HSD17B2: variants seen among roughly 807,000 people sequenced by gnomAD.
HSD17B2 encodes the protein hydroxysteroid 17-beta dehydrogenase 2.
A neutral mutation model predicts 26.9 loss-of-function variants in HSD17B2; 32 were observed. The ratio of observed to expected loss-of-function variants is 1.19; its 90% CI spans 0.90 to 1.60. HSD17B2 has a LOEUF of 1.60. Among genes scored for constraint, HSD17B2 ranks in the 40% most tolerant of loss-of-function variants. The probability of loss-of-function intolerance (pLI) is 0.00; values close to 1 mark genes in which losing one functional copy is unlikely to be tolerated. For synonymous variants in HSD17B2, 246 were observed against 186.7 expected, an observed-to-expected ratio of 1.32 and a Z score of -2.59; for missense variants, 613 against 468.6, an observed-to-expected ratio of 1.31 and a Z score of -2.85.
chr16:82,055,795 C>T (rs774424145), intron 1 of HSD17B2, among the ~76,000 whole-genome samples: 57 of 152,254 alleles, frequency 3.7e-4, no homozygotes, highest in Non-Finnish European at 6.9e-4. Flanking sequence ...GCAATAGAAG[C>T]GTGGATCCAA....
intron 1 of HSD17B2, among the ~76,000 whole-genome samples, chr16:82,051,601 G>A (rs889341592): frequency 1.3e-5 from 2 of 152,140 alleles, no homozygotes; most frequent in African/African-American, 4.8e-5. Flanking sequence ...GGAAGTATCA[G>A]GACAAATAGC....
chr16:82,075,238 A>C (rs929624791), intron 3 of HSD17B2, among the ~76,000 whole-genome samples: 3 of 152,214 alleles, frequency 2.0e-5, no homozygotes, highest in African/African-American at 7.2e-5. Context: ...AAGTGCCTAC[A>C]TTAAAAAAGT....
chr16:82,068,204 G>C lies in HSD17B2; in HGVS notation c.300G>C (p.Lys100Asn). The change falls in exon 2 of 5, where the codon AAG (lysine) becomes AAC (asparagine). Residue 100 changes from lysine (K) to asparagine (N), a missense_variant. Physicochemically the swap from Lys to Asn is moderately conservative, Grantham distance 94. Transcript: ENST00000199936. ...GCGGGCTTGGCCATGCTTTGTGCAAGTATCTGGATGAGCTGGGCTTCACGG... is the reference window on the plus strand; with the variant it reads ...GCGGGCTTGGCCATGCTTTGTGCAACTATCTGGATGAGCTGGGCTTCACGG... The part of the protein sequence containing the change: ...GDCGLGHALC[K>N]YLDELGFTVF... 6.2e-7 allele frequency: 1 copy of C among 1,614,212 alleles called. No individual in the cohort carries two copies.
rs1382042588 is a variant in HSD17B2 at position 82,098,369 on chromosome 16, A to G, written c.1097A>G (p.His366Arg). Residue 366 changes from histidine (H) to arginine (R), a missense_variant, in exon 5 of 5, where the codon CAT (histidine) becomes CGT (arginine). Transcript: ENST00000199936. ...IGIYDYFAKR[H>R]FGQDKPMPRA... ...ATATATGATTACTTTGCTAAAAGAC[A>G]TTTTGGCCAAGACAAGCCCATGCCC... The G allele has an allele frequency of 3.1e-6, 5 of 1,613,988 alleles. No individual in the cohort carries two copies. Among genetic ancestry groups the G allele is most frequent in the South Asian group, 1.1e-5 (1 of 91,054 alleles).
At chr16:82,058,227 C>T (rs1480633736) in intron 1 of HSD17B2, among the ~76,000 whole-genome samples, 1 of 152,064 alleles carries the variant, frequency 6.6e-6, no homozygotes, top group African/African-American at 2.4e-5. Flanking sequence ...TATGCCAGCA[C>T]ACCTGGCTAA....
intron 3 of HSD17B2, among the ~76,000 whole-genome samples, chr16:82,090,693 G>C (rs921101569): frequency 1.3e-5 from 2 of 152,118 alleles, no homozygotes; most frequent in East Asian, 1.9e-4. Flanking sequence ...AGCTGCAATA[G>C]GGGAGCCAAA....
chr16:82,045,148 G>C (rs376583833), intron 1 of HSD17B2, among the ~76,000 whole-genome samples: 4 of 145,626 alleles, frequency 2.7e-5, no homozygotes, highest in African/African-American at 5.1e-5. Flanking sequence ...AAAAAAGAGA[G>C]AAAAAAGAAA....
chr16:82,038,278 C>A (rs1477517803), intron 1 of HSD17B2, among the ~76,000 whole-genome samples: 1 of 152,190 alleles, frequency 6.6e-6, no homozygotes, highest in Non-Finnish European at 1.5e-5. Context: ...ACATATTTGT[C>A]TTCAAGATAC....
intron 3 of HSD17B2, among the ~76,000 whole-genome samples, chr16:82,083,707 C>T (rs754403987): frequency 1.3e-5 from 2 of 152,108 alleles, no homozygotes; most frequent in African/African-American, 2.4e-5. Flanking sequence ...ACTGTGACAC[C>T]GAATTACCCT....
Position 82,035,414 on chromosome 16 carries a change from A to C in HSD17B2, c.-11A>C. 1 of 1,606,448 alleles carries C rather than the reference A, an allele frequency of 6.2e-7. No homozygotes were observed. The highest frequency in any genetic ancestry group is 8.5e-7 in the Non-Finnish European group (1 of 1,175,006). ...GCCCTGAGCACTTGAAGGTGCAGCA[A>C]GTCACTGAGAATGAGCACTTTCTTC... On this transcript the variant is annotated 5_prime_UTR_variant, in exon 1 of 5. Transcript: ENST00000199936.
At chr16:82,038,909 C>A (rs993584361) in intron 1 of HSD17B2, among the ~76,000 whole-genome samples, 2 of 152,114 alleles carry the variant, frequency 1.3e-5, no homozygotes, top group African/African-American at 4.8e-5. Flanking sequence ...GAGCTGTAGT[C>A]TTTATGCCTT....
Position 82,080,833 on chromosome 16 carries a change from G to A in HSD17B2, c.664+9706G>A, listed in dbSNP as rs775865755. 8.6e-5 allele frequency among the ~76,000 whole-genome samples: 13 copies of A among 151,994 alleles called. No homozygotes were observed. The East Asian group carries it at 1.2e-3, about 14-fold the overall frequency. On this transcript the variant is annotated intron_variant, in intron 3 of 4. Transcript: ENST00000199936. Reference sequence around the variant, plus strand: ...TTGAAGGAACGCTTAGCACTTTATCGCATTCCAAAAAGGCAGAGTCAATCA... The same window carrying A: ...TTGAAGGAACGCTTAGCACTTTATCACATTCCAAAAAGGCAGAGTCAATCA...
intron 2 of HSD17B2, among the ~76,000 whole-genome samples, chr16:82,069,450 AC>A (rs1914647583): frequency 6.6e-6 from 1 of 152,132 alleles, no homozygotes; most frequent in South Asian, 2.1e-4. Context: ...TTGCTGGAAG[AC>A]CCAGTTTTTA....
At chr16:82,070,879 T>C (rs138699345) in intron 2 of HSD17B2, 63 bp from the exon 3 acceptor site, 10 of 1,459,620 alleles carry the variant, frequency 6.9e-6, no homozygotes, top group South Asian at 1.3e-5. Flanking sequence ...CTTCCAGGTA[T>C]TGCAGGTTGT....
intron 3 of HSD17B2, among the ~76,000 whole-genome samples, chr16:82,079,248 A>T (rs867572984): frequency 6.6e-6 from 1 of 152,244 alleles, no homozygotes; most frequent in African/African-American, 2.4e-5. Context: ...TAGGGCTACC[A>T]TAAGAAAATA....
intron 1 of HSD17B2, among the ~76,000 whole-genome samples, chr16:82,056,133 T>A (rs1042179010): frequency 2.6e-5 from 4 of 152,212 alleles, no homozygotes; most frequent in Non-Finnish European, 5.9e-5. Flanking sequence ...TGGTCATGTG[T>A]TGGCAAGAAT....
At chr16:82,046,977 G>A (rs565305766) in intron 1 of HSD17B2, among the ~76,000 whole-genome samples, 3 of 152,168 alleles carry the variant, frequency 2.0e-5, no homozygotes, top group Admixed American at 6.5e-5. Context: ...AGGGAAAGGG[G>A]TATTGGCTGC....
chr16:82,053,329 C>T (rs1213765762), intron 1 of HSD17B2, among the ~76,000 whole-genome samples: 1 of 152,206 alleles, frequency 6.6e-6, no homozygotes, highest in Admixed American at 6.5e-5. Context: ...AGGCACACAT[C>T]CCAAGCAAAC....
rs190261678 is a variant in HSD17B2 at position 82,067,792 on chromosome 16, G to C, written c.266-378G>C. Among the ~76,000 whole-genome samples the C allele has an allele frequency of 1.4e-4, 22 of 152,352 alleles. 1 individual carries two copies. Among genetic ancestry groups the C allele is most frequent in the Admixed American group, 1.3e-3 (20 of 15,302 alleles). On this transcript the variant is annotated intron_variant, in intron 1 of 4. Coordinates refer to ENST00000199936, the MANE Select transcript of HSD17B2 (RefSeq NM_002153.3). Reference sequence around the variant, plus strand: ...AATGTTTGACTGAAGGTTTTACAGAGTGAGTGAAGTTACATCAAACACTAC... The same window carrying C: ...AATGTTTGACTGAAGGTTTTACAGACTGAGTGAAGTTACATCAAACACTAC...
Sources: gnomAD v4.1 joint callset for allele counts (sites outside exome capture counted in the v4.1 genomes callset) on GRCh38, gnomAD v4.1.1 for gene constraint, MANE v1.5 for transcripts, NCBI Gene and HGNC (gene_info 2026-07-23, HGNC 2026-07-21) for gene names.